LGALS9B: variants seen among roughly 807,000 people sequenced by gnomAD.
The protein encoded by LGALS9B is galectin-9B.
Under a neutral mutation model 35.9 loss-of-function variants are expected in LGALS9B, and 8 were observed. That is an observed-to-expected ratio of 0.22 (90% CI 0.13 to 0.40). The LOEUF (loss-of-function observed/expected upper bound fraction) is 0.40. Among genes scored for constraint, LGALS9B ranks in the 10% least tolerant of loss-of-function variants. LGALS9B has a pLI of 1.00. For missense variants in LGALS9B, 101 were observed against 397.9 expected (o/e 0.25, Z 6.35); for synonymous variants, 42 against 148.6 (o/e 0.28, Z 5.22).
At chr17:20,455,710 C>T (rs2042684747) in intron 4 of LGALS9B, among the ~76,000 whole-genome samples, 1 of 151,198 alleles carries the variant, frequency 6.6e-6, no homozygotes, top group South Asian at 2.1e-4. Context: ...CTTCGCTCAT[C>T]TCAGGGAGCT....
chr17:20,461,406 C>T (rs1382350467), intron 1 of LGALS9B, among the ~76,000 whole-genome samples: 4 of 152,118 alleles, frequency 2.6e-5, no homozygotes, highest in Non-Finnish European at 4.4e-5. Context: ...CCCACCCCCA[C>T]CTTGGTCTCT....
At position 20,458,306 on chromosome 17, in the gene LGALS9B, C is replaced by A. The variant is rs1314675997; in HGVS notation, c.210G>T (p.Gly70=). ...FHFNPRFEDG[G]YVVCNTRQKG... ...TCTGCCTCGTGTTGCACACCACATA[C>A]CCTCCGTCTTCAAACCGAGGGTTGA... The change falls in exon 3 of 11, where the codon GGG becomes GGT. Residue 70 remains glycine, a synonymous_variant. Coordinates refer to ENST00000423676, the MANE Select transcript of LGALS9B (RefSeq NM_001367292.2). 1.9e-6 allele frequency: 3 copies of A among 1,613,900 alleles called. No homozygotes were observed. The highest frequency in any genetic ancestry group is 2.2e-5 in the South Asian group (2 of 91,058).
chr17:20,451,080 G>T (rs144222133), intron 10 of LGALS9B, among the ~76,000 whole-genome samples: 1,249 of 150,244 alleles, frequency 8.3e-3, no homozygotes, highest in African/African-American at 0.027. Flanking sequence ...ACTCTCTGGA[G>T]GAAGGACCCT....
chr17:20,467,290 C>T (rs2042769620), intron 1 of LGALS9B, 142 bp downstream of exon 1: 1 of 606,688 alleles, frequency 1.6e-6, no homozygotes, highest in East Asian at 2.8e-5. Flanking sequence ...AGGACGACCC[C>T]CACTGACATT....
At chr17:20,466,388 C>A (rs1319739582) in intron 1 of LGALS9B, among the ~76,000 whole-genome samples, 2 of 151,768 alleles carry the variant, frequency 1.3e-5, no homozygotes, top group Non-Finnish European at 2.9e-5. Flanking sequence ...CAAGCCCGAC[C>A]CTGGCCTCTG....
At chr17:20,465,999 TAGG>T (rs1035847996) in intron 1 of LGALS9B, among the ~76,000 whole-genome samples, 2 of 149,792 alleles carry the variant, frequency 1.3e-5, no homozygotes, top group Non-Finnish European at 3.0e-5. Context: ...CTGATGTGCA[TAGG>T]AGGATTTTCC....
At chr17:20,454,976 GT>G (rs1300924664) in intron 5 of LGALS9B, among the ~76,000 whole-genome samples, 1 of 143,996 alleles carries the variant, frequency 6.9e-6, no homozygotes, top group East Asian at 2.0e-4. Context: ...TTATAAGAAG[GT>G]CACTGTGGCA....
At chr17:20,465,048 T>A (rs1366731511) in intron 1 of LGALS9B, among the ~76,000 whole-genome samples, 3 of 152,244 alleles carry the variant, frequency 2.0e-5, no homozygotes, top group Non-Finnish European at 4.4e-5. Flanking sequence ...GAGTCAGAAC[T>A]TGCTCTCTGT....
chr17:20,465,079 C>T (rs571045506), intron 1 of LGALS9B, among the ~76,000 whole-genome samples: 2 of 152,110 alleles, frequency 1.3e-5, no homozygotes, highest in South Asian at 2.1e-4. Context: ...GCCCAGAGAC[C>T]GGGGACTTTC....
At chr17:20,451,220 TACTG>T (rs889858696) in intron 10 of LGALS9B, among the ~76,000 whole-genome samples, 2 of 148,810 alleles carry the variant, frequency 1.3e-5, no homozygotes, top group Admixed American at 6.8e-5. Flanking sequence ...ATTTGACACT[TACTG>T]ACTGTGTGAC....
At position 20,453,032 on chromosome 17, in the gene LGALS9B, A is replaced by G; in HGVS notation, c.612T>C (p.Ser204=). ...GAAGACTTACAGAGAACATCTGTCC[A>G]GAGGCGCTCTGCACCGTGTGGATGA... is the stretch of plus-strand genomic sequence containing the variant. ...QTVIHTVQSA[S]GQMFSQTPAI... Residue 204 remains serine (S), a synonymous_variant, in exon 7 of 11, where the codon TCT becomes TCC. Transcript: ENST00000423676. 1 of 1,397,838 alleles carries G rather than the reference A, an allele frequency of 7.2e-7. No individual in the cohort carries two copies. The highest frequency in any genetic ancestry group is 1.0e-6 in the Non-Finnish European group (1 of 999,114). The allele number at this position is 1,397,838 out of a possible 1,614,324, so 86.6% of individuals were successfully genotyped here.
At position 20,450,109 on chromosome 17, in the gene LGALS9B, A is replaced by AAGATCCACACCTGTGC; in HGVS notation, c.925-6_934dup (p.Leu312CysfsTer8). 3.3e-6 allele frequency: 3 copies of AAGATCCACACCTGTGC among 909,870 alleles called. No individual in the cohort carries two copies. The highest frequency in any genetic ancestry group is 5.1e-6 in the Non-Finnish European group (3 of 589,810). 56.4% of individuals were successfully genotyped at this position (909,870 alleles called of 1,614,324 possible). A position where few individuals can be genotyped will look rare whatever the true frequency, so the allele number is the denominator to read the frequency against. On this transcript the variant is annotated frameshift_variant, in exon 11 of 11. Coordinates refer to ENST00000423676, the MANE Select transcript of LGALS9B (RefSeq NM_001367292.2). LOFTEE classifies it high-confidence loss of function. The stretch of plus-strand genomic sequence containing the variant: ...CACCTTGAGGCAGTGAGCTTCACAC[A>AAGATCCACACCTGTGC]AGATCCACACCTGTGCAGAGATTAT...
intron 4 of LGALS9B, among the ~76,000 whole-genome samples, chr17:20,456,055 G>A (rs2042688253): frequency 1.3e-5 from 2 of 149,198 alleles, no homozygotes; most frequent in Non-Finnish European, 3.0e-5. Flanking sequence ...AAAACACAGA[G>A]GTCACACAGA....
At position 20,451,681 on chromosome 17, in the gene LGALS9B, G is replaced by C. The variant is rs371066326; in HGVS notation, c.762-38C>G. 2.5e-6 allele frequency: 4 copies of C among 1,577,796 alleles called. No individual in the cohort carries two copies. The East Asian group carries it at 9.0e-5, about 35-fold the overall frequency. The stretch of plus-strand genomic sequence containing the variant: ...GCCTACCTGGACCTTTGTCCACTGA[G>C]TTCTGAGCCCCATTTCCTCCCCATC... On this transcript the variant is annotated intron_variant, in intron 9 of 10. Coordinates refer to ENST00000423676, the MANE Select transcript of LGALS9B (RefSeq NM_001367292.2).
chr17:20,464,475 G>A (rs1460743265), intron 1 of LGALS9B, among the ~76,000 whole-genome samples: 2 of 151,848 alleles, frequency 1.3e-5, no homozygotes, highest in Non-Finnish European at 2.9e-5. Context: ...AGCTGGAAAA[G>A]CAAAAGAAAC....
intron 5 of LGALS9B, among the ~76,000 whole-genome samples, chr17:20,454,591 C>G (rs1471182443): frequency 1.4e-5 from 2 of 142,036 alleles, no homozygotes; most frequent in East Asian, 2.1e-4. Flanking sequence ...GTGCTGTGAA[C>G]TGGCATGGCA....
At chr17:20,464,506 C>T (rs570535252) in intron 1 of LGALS9B, among the ~76,000 whole-genome samples, 3 of 152,106 alleles carry the variant, frequency 2.0e-5, no homozygotes, top group African/African-American at 4.8e-5. Flanking sequence ...CTGGAGCCTC[C>T]GGAAGGAAAC....
At chr17:20,454,258 CTG>C (rs1354054190) in intron 5 of LGALS9B, among the ~76,000 whole-genome samples, 1 of 129,228 alleles carries the variant, frequency 7.7e-6, no homozygotes, top group African/African-American at 2.6e-5. Flanking sequence ...GGTGCACTGT[CTG>C]TACCATCATG....
intron 1 of LGALS9B, among the ~76,000 whole-genome samples, chr17:20,466,066 C>G (rs960249977): frequency 3.9e-5 from 6 of 151,972 alleles, no homozygotes; most frequent in African/African-American, 1.5e-4. Flanking sequence ...AATAATATGT[C>G]AGAACCTGGA....
Sources: gnomAD v4.1 joint callset for allele counts (sites outside exome capture counted in the v4.1 genomes callset) on GRCh38, gnomAD v4.1.1 for gene constraint, MANE v1.5 for transcripts, NCBI Gene and HGNC (gene_info 2026-07-23, HGNC 2026-07-21) for gene names.